The following OTUD7A variants were observed in gnomAD, a reference collection of about 807,000 sequenced individuals.
The protein encoded by OTUD7A is OTU deubiquitinase 7A.
Under a neutral mutation model 65.7 loss-of-function variants are expected in OTUD7A, and 12 were observed. The observed-to-expected ratio is 0.18, with a 90% confidence interval of 0.12 to 0.30. OTUD7A has a LOEUF of 0.30. Ranked by LOEUF, OTUD7A falls within the 10% of genes least tolerant of loss-of-function variation. OTUD7A has a pLI of 1.00. For missense variants in OTUD7A, 1,148 were observed against 1,304.8 expected (o/e 0.88, Z 1.85); for synonymous variants, 641 against 586.3 (o/e 1.09, Z -1.35).
At chr15:31,807,396 G>C (rs1263068559) in intron 1 of OTUD7A, among the ~76,000 whole-genome samples, 1 of 152,190 alleles carries the variant, frequency 6.6e-6, no homozygotes, top group African/African-American at 2.4e-5. Context: ...CATTAAAGTT[G>C]ATGAACGTGA....
In OTUD7A at chr15:31,483,351, G is replaced by A. The variant is rs1242187232; in HGVS notation, c.2745C>T (p.Ser915=). 2 of 1,259,198 alleles carry A rather than the reference G, an allele frequency of 1.6e-6. No individual in the cohort carries two copies. Among genetic ancestry groups the A allele is most frequent in the East Asian group, 3.7e-5 (1 of 26,868 alleles). 78.0% of individuals were successfully genotyped at this position (1,259,198 alleles called of 1,614,324 possible). Reference sequence around the variant, plus strand: ...GCCGCAGCTCCTCGCGGTAGCAGTAGGAGCAGTAGTGCTCGGTCTCGGCGC... The same window carrying A: ...GCCGCAGCTCCTCGCGGTAGCAGTAAGAGCAGTAGTGCTCGGTCTCGGCGC... The part of the protein sequence containing the change: ...YGRAETEHYC[S]YCYREELRRR... Residue 915 remains serine, a synonymous_variant, in exon 13 of 13, where the codon TCC becomes TCT. Coordinates refer to ENST00000307050, the MANE Select transcript of OTUD7A (RefSeq NM_001382637.1).
intron 10 of OTUD7A, among the ~76,000 whole-genome samples, chr15:31,495,712 C>G (rs765901000): frequency 3.9e-5 from 6 of 152,180 alleles, no homozygotes; most frequent in East Asian, 1.9e-4. Flanking sequence ...TAGAAAGTAG[C>G]CAAGAGAAGG....
At chr15:31,766,208 A>G (rs752710489) in intron 1 of OTUD7A, 17 of 1,525,030 alleles carry the variant, frequency 1.1e-5, no homozygotes, top group Non-Finnish European at 1.5e-5. Context: ...CCACTTCTTC[A>G]GCACAGCATA....
At position 31,484,278 on chromosome 15, in the gene OTUD7A, C is replaced by G; in HGVS notation, c.1818G>C (p.Ser606=). The G allele has an allele frequency of 1.3e-6, 2 of 1,592,416 alleles. No individual in the cohort carries two copies. The highest frequency in any genetic ancestry group is 1.7e-6 in the Non-Finnish European group (2 of 1,173,498). Residue 606 remains serine (S), a synonymous_variant, in exon 13 of 13, where the codon TCG becomes TCC. Transcript: ENST00000307050. This position sits in a 1 kb window ranked among gnomAD's most constrained non-coding sequence, Gnocchi z 4.5. The part of the protein sequence containing the change: ...PSPTDKAAGA[S]PAEKGGGPRG... Reference sequence around the variant, plus strand: ...GCGGCCCACCGCCCTTCTCCGCCGGCGACGCGCCCGCTGCCTTGTCTGTGG... The same window carrying G: ...GCGGCCCACCGCCCTTCTCCGCCGGGGACGCGCCCGCTGCCTTGTCTGTGG...
At chr15:31,615,203 TG>T (rs1890549429) in intron 3 of OTUD7A, among the ~76,000 whole-genome samples, 1 of 152,200 alleles carries the variant, frequency 6.6e-6, no homozygotes, top group Non-Finnish European at 1.5e-5. Context: ...ATGATCAGAC[TG>T]GATTTAAAAA....
chr15:31,753,731 A>ATATAT (rs1894728588), intron 1 of OTUD7A, among the ~76,000 whole-genome samples: 1 of 116,356 alleles, frequency 8.6e-6, no homozygotes, highest in Non-Finnish European at 1.8e-5. Flanking sequence ...TTATATATAT[A>ATATAT]TATATATATC....
intron 1 of OTUD7A, among the ~76,000 whole-genome samples, chr15:31,862,541 G>C (rs1897770669): frequency 6.6e-6 from 1 of 152,148 alleles, no homozygotes; most frequent in African/African-American, 2.4e-5. Context: ...CATGGCAGTG[G>C]CAAGAGAAAA....
chr15:31,808,316 G>A (rs1896332843), intron 1 of OTUD7A, among the ~76,000 whole-genome samples: 1 of 152,134 alleles, frequency 6.6e-6, no homozygotes, highest in African/African-American at 2.4e-5. Context: ...ATGGAGCGCT[G>A]GGCTTCTTGA....
At chr15:31,703,242 A>G (rs1279853038) in intron 1 of OTUD7A, among the ~76,000 whole-genome samples, 1 of 152,208 alleles carries the variant, frequency 6.6e-6, no homozygotes, top group Non-Finnish European at 1.5e-5. Flanking sequence ...ATGATCCATA[A>G]AAGTAAAAAT....
At chr15:31,762,268 G>C (rs1306991335) in intron 1 of OTUD7A, among the ~76,000 whole-genome samples, 1 of 152,210 alleles carries the variant, frequency 6.6e-6, no homozygotes, top group Admixed American at 6.5e-5. Context: ...CTGAGGGAGG[G>C]GAATTCTCCT....
intron 3 of OTUD7A, among the ~76,000 whole-genome samples, chr15:31,631,967 G>C (rs555966256): frequency 1.3e-5 from 2 of 152,224 alleles, no homozygotes; most frequent in South Asian, 4.2e-4. Context: ...TCTCTGCGTT[G>C]ATTATTCTAG....
chr15:31,640,194 G>A (rs371737230), intron 3 of OTUD7A, among the ~76,000 whole-genome samples: 3 of 152,160 alleles, frequency 2.0e-5, no homozygotes, highest in Middle Eastern at 3.4e-3. Flanking sequence ...ACCAAACATC[G>A]TATGTTCTGA....
chr15:31,557,119 G>C (rs1490085297), intron 5 of OTUD7A: 2 of 152,258 alleles, frequency 1.3e-5, no homozygotes, highest in Non-Finnish European at 2.9e-5. Context: ...CATTGGTGAG[G>C]CTTCTATGAG....
intron 8 of OTUD7A, among the ~76,000 whole-genome samples, chr15:31,521,424 G>A (rs941465281): frequency 3.9e-5 from 6 of 152,004 alleles, no homozygotes; most frequent in Non-Finnish European, 7.4e-5. Flanking sequence ...AATTTGAGCC[G>A]GGTCCCACAT....
chr15:31,859,166 T>C (rs1375413080), intron 1 of OTUD7A, among the ~76,000 whole-genome samples: 2 of 152,234 alleles, frequency 1.3e-5, no homozygotes, highest in African/African-American at 4.8e-5. Context: ...CTATTGTTTG[T>C]TTTACTAACA....
At chr15:31,609,093 A>G (rs1890321779) in intron 3 of OTUD7A, among the ~76,000 whole-genome samples, 1 of 152,168 alleles carries the variant, frequency 6.6e-6, no homozygotes, top group African/African-American at 2.4e-5. Context: ...AGGCCCTGGG[A>G]GCTCACTGGG....
chr15:31,609,107 C>G (rs1321010925), intron 3 of OTUD7A, among the ~76,000 whole-genome samples: 2 of 152,170 alleles, frequency 1.3e-5, no homozygotes, highest in Non-Finnish European at 2.9e-5. Context: ...CACTGGGTCC[C>G]CAAGCAGGCC....
At chr15:31,545,149 C>A (rs931589982) in intron 5 of OTUD7A, among the ~76,000 whole-genome samples, 22 of 152,068 alleles carry the variant, frequency 1.4e-4, no homozygotes, top group Admixed American at 7.2e-4. Context: ...ATCAGACCCA[C>A]ACCTACACAG....
chr15:31,853,884 T>C (rs913539774), intron 1 of OTUD7A, among the ~76,000 whole-genome samples: 1 of 152,102 alleles, frequency 6.6e-6, no homozygotes, highest in Non-Finnish European at 1.5e-5. Context: ...GCAACCAGCA[T>C]GGGAATCAGG....
Sources: allele counts gnomAD v4.1 joint callset (sites outside exome capture counted in the v4.1 genomes callset), GRCh38; gene constraint gnomAD v4.1.1; non-coding constraint Gnocchi (gnomAD v3.1); transcripts MANE v1.5; gene names NCBI Gene and HGNC (gene_info 2026-07-23, HGNC 2026-07-21).